Variants in CNTNAP2 observed in about 807,000 individuals in gnomAD.
The protein encoded by CNTNAP2 is contactin-associated protein-like 2.
CNTNAP2 carries 98 observed loss-of-function variants against 155.2 expected under a neutral mutation model. The observed-to-expected ratio is 0.63, with a 90% confidence interval of 0.54 to 0.75. The LOEUF is 0.75. Among genes scored for constraint, CNTNAP2 ranks in the 30% least tolerant of loss-of-function variants. The probability of loss-of-function intolerance (pLI) is 0.00; values close to 1 mark genes in which losing one functional copy is unlikely to be tolerated. For missense variants in CNTNAP2, 1,727 were observed against 1,688.1 expected, an observed-to-expected ratio of 1.02 and a Z score of -0.40; for synonymous variants, 651 against 631.2, an observed-to-expected ratio of 1.03 and a Z score of -0.47.
intron 8 of CNTNAP2, among the ~76,000 whole-genome samples, chr7:147,144,013 AC>A (rs1801651045): frequency 6.6e-6 from 1 of 152,192 alleles, no homozygotes; most frequent in Non-Finnish European, 1.5e-5. Context: ...TGCATTTGAC[AC>A]GATTAACTCC....
At chr7:147,903,110 C>T (rs569807123) in intron 13 of CNTNAP2, among the ~76,000 whole-genome samples, 30 of 152,178 alleles carry the variant, frequency 2.0e-4, no homozygotes, top group African/African-American at 7.2e-4. Context: ...GAAGTGTTCC[C>T]CTTTCACCAC....
At chr7:148,042,741 G>T (rs773599205) in intron 15 of CNTNAP2, among the ~76,000 whole-genome samples, 1 of 152,108 alleles carries the variant, frequency 6.6e-6, no homozygotes, top group Non-Finnish European at 1.5e-5. Context: ...TGTTTACCTC[G>T]TCCCTCTTCA....
At chr7:147,581,953 T>G (rs1364974329) in intron 12 of CNTNAP2, among the ~76,000 whole-genome samples, 1 of 152,124 alleles carries the variant, frequency 6.6e-6, no homozygotes, top group East Asian at 1.9e-4. Context: ...ATTATATAAT[T>G]TTTTCTCCTT....
chr7:146,817,911 G>GA (rs1268761686), intron 2 of CNTNAP2, among the ~76,000 whole-genome samples: 2 of 151,860 alleles, frequency 1.3e-5, no homozygotes, highest in Admixed American at 6.6e-5. Context: ...ACTGAAATCA[G>GA]AAAAAATAAG....
At chr7:147,798,717 G>A (rs1208733782) in intron 13 of CNTNAP2, among the ~76,000 whole-genome samples, 1 of 152,178 alleles carries the variant, frequency 6.6e-6, no homozygotes, top group African/African-American at 2.4e-5. Flanking sequence ...CAAGGGAAAT[G>A]GATTTACCAT....
intron 12 of CNTNAP2, among the ~76,000 whole-genome samples, chr7:147,568,251 C>G (rs1452172027): frequency 2.6e-5 from 4 of 151,540 alleles, no homozygotes; most frequent in Non-Finnish European, 5.9e-5. Flanking sequence ...TGCTTGCAGT[C>G]AAATAATTTA....
intron 8 of CNTNAP2, among the ~76,000 whole-genome samples, chr7:147,258,776 T>C (rs981536673): frequency 3.3e-5 from 5 of 152,190 alleles, no homozygotes; most frequent in Non-Finnish European, 2.9e-5. Flanking sequence ...GTTGTGAACA[T>C]GAATTCCACG....
At chr7:146,462,959 T>C (rs1563093574) in intron 1 of CNTNAP2, among the ~76,000 whole-genome samples, 2 of 152,094 alleles carry the variant, frequency 1.3e-5, no homozygotes, top group Admixed American at 6.6e-5. Context: ...ATAACCAGAT[T>C]GATGGAGGAG....
chr7:148,009,403 A>G (rs1220825320), intron 15 of CNTNAP2, among the ~76,000 whole-genome samples: 1 of 152,212 alleles, frequency 6.6e-6, no homozygotes, highest in Non-Finnish European at 1.5e-5. Flanking sequence ...GCAAACTGTC[A>G]TAAGTCAGGG....
intron 1 of CNTNAP2, among the ~76,000 whole-genome samples, chr7:146,644,806 C>G (rs1387501497): frequency 3.3e-5 from 5 of 152,050 alleles, no homozygotes; most frequent in African/African-American, 1.2e-4. Flanking sequence ...CTGAATAGAC[C>G]AAGAACAGGC....
intron 9 of CNTNAP2, chr7:147,378,023 T>G (rs1461782254): frequency 2.1e-6 from 1 of 468,212 alleles, no homozygotes; most frequent in Admixed American, 2.4e-5. Flanking sequence ...TCCTCTGAAA[T>G]TCTATTAATA....
chr7:147,949,595 G>A (rs2710089), intron 14 of CNTNAP2, among the ~76,000 whole-genome samples: 33,239 of 151,810 alleles, frequency 0.22, 3,887 homozygotes, highest in Middle Eastern at 0.32. Flanking sequence ...TTGTTCTCCC[G>A]GAATGAGCGA....
chr7:147,120,893 T>TGATGGA, intron 5 of CNTNAP2, 86 bp from the exon 6 acceptor site: 1 of 1,235,838 alleles, frequency 8.1e-7, no homozygotes. Context: ...TGTCAGCCTC[T>TGATGGA]AGGTGCTGTA....
chr7:148,405,980 C>A (rs938873811), intron 22 of CNTNAP2, among the ~76,000 whole-genome samples: 1 of 152,040 alleles, frequency 6.6e-6, no homozygotes, highest in African/African-American at 2.4e-5. Flanking sequence ...CGCCTGTAAT[C>A]CCAGCACTTT....
chr7:146,328,812 T>C (rs1405379391), intron 1 of CNTNAP2, among the ~76,000 whole-genome samples: 1 of 152,214 alleles, frequency 6.6e-6, no homozygotes, highest in East Asian at 1.9e-4. Flanking sequence ...GCCTGGCTTA[T>C]TTCACTCAGC....
Position 147,566,403 on chromosome 7 carries a change from G to A in CNTNAP2, c.1897+4146G>A, listed in dbSNP as rs140489669. Among the ~76,000 whole-genome samples the A allele has an allele frequency of 5.8e-4, 87 of 151,246 alleles. 1 individual carries two copies. The East Asian group carries it at 6.3e-3, about 11-fold the overall frequency. ...GGGTGGGGGGATGAGGAATTAGTCCGTTCTCACGCTGCTATAAAGAACTTC... is the reference window on the plus strand; with the variant it reads ...GGGTGGGGGGATGAGGAATTAGTCCATTCTCACGCTGCTATAAAGAACTTC... On this transcript the variant is annotated intron_variant, in intron 12 of 23. Transcript: ENST00000361727.
chr7:147,804,788 A>C (rs1169591009), intron 13 of CNTNAP2, among the ~76,000 whole-genome samples: 1 of 152,096 alleles, frequency 6.6e-6, no homozygotes, highest in Non-Finnish European at 1.5e-5. Context: ...TCCTGACCTC[A>C]AATGATCCAC....
intron 13 of CNTNAP2, among the ~76,000 whole-genome samples, chr7:147,900,391 AC>A (rs773385707): frequency 1.2e-4 from 19 of 152,056 alleles, no homozygotes; most frequent in Non-Finnish European, 1.9e-4. Context: ...ATTGCCTGGC[AC>A]TTCCCCCTTC....
rs531799336 is a variant in CNTNAP2 at position 148,404,529 on chromosome 7, G to A, written c.3716-4862G>A. Among the ~76,000 whole-genome samples, 6 of 152,302 alleles carry A rather than the reference G, an allele frequency of 3.9e-5. No homozygotes were observed. The East Asian group carries it at 7.7e-4, about 20-fold the overall frequency. On this transcript the variant is annotated intron_variant, in intron 22 of 23. Coordinates refer to ENST00000361727, the MANE Select transcript of CNTNAP2 (RefSeq NM_014141.6). ...GTACAGCTCACTCAAACCTTTTGCG[G>A]GACGGCGAGCACACAGGCAAGTGGG...
Sources: gnomAD v4.1 joint callset for allele counts (sites outside exome capture counted in the v4.1 genomes callset) on GRCh38, gnomAD v4.1.1 for gene constraint, MANE v1.5 for transcripts, NCBI Gene and HGNC (gene_info 2026-07-23, HGNC 2026-07-21) for gene names.